The following DMXL2 variants were observed in gnomAD, a reference collection of about 807,000 sequenced individuals.
The protein encoded by DMXL2 is dmX-like protein 2.
DMXL2 carries 103 observed loss-of-function variants against 331.1 expected under a neutral mutation model. The observed-to-expected ratio is 0.31, with a 90% CI of 0.27 to 0.37. The LOEUF is 0.37. Ranked by LOEUF, DMXL2 falls within the 10% of genes least tolerant of loss-of-function variation. The pLI is 1.00. For missense variants in DMXL2, 3,171 were observed against 3,642.9 expected (o/e 0.87, Z 3.33); for synonymous variants, 1,281 against 1,252.1 (o/e 1.02, Z -0.49).
chr15:51,474,651 AC>A, intron 27 of DMXL2, 59 bp from the exon 28 acceptor site: 1 of 1,506,590 alleles, frequency 6.6e-7, no homozygotes, highest in Non-Finnish European at 8.9e-7. Context: ...GAAGGAAAAA[AC>A]ATCCAAATTT....
At chr15:51,530,587 T>TAAAAAAA (rs550510463) in intron 13 of DMXL2, among the ~76,000 whole-genome samples, 1 of 120,200 alleles carries the variant, frequency 8.3e-6, no homozygotes, top group African/African-American at 3.0e-5. Flanking sequence ...CCATCTCTAC[T>TAAAAAAA]AAAAAAAAAA....
rs1307975026 is a variant in DMXL2, at chr15:51,499,812, T to C, written c.3412A>G (p.Arg1138Gly). ...LVKVGSVLDSRVSVDSNLFVY... is the reference protein window; with the variant it reads ...LVKVGSVLDSGVSVDSNLFVY... Reference sequence around the variant, plus strand: ...AACAGATTACTGTCGACGCTGACCCTTGAATCAAGTACACTCCCAACCTTA... The same window carrying C: ...AACAGATTACTGTCGACGCTGACCCCTGAATCAAGTACACTCCCAACCTTA... Residue 1138 changes from arginine (R) to glycine (G), a missense_variant, in exon 18 of 44, where the codon AGG becomes GGG. Arg to Gly is a moderately radical substitution (Grantham distance 125, BLOSUM62 -2). Around this residue, in one of 7 missense-constraint regions of DMXL2, gnomAD observed 1,674 missense variants for 1,780.2 expected, o/e 0.94. Transcript: ENST00000560891. The C allele has an allele frequency of 5.0e-6, 8 of 1,614,172 alleles. No homozygotes were observed. The highest frequency in any genetic ancestry group is 1.1e-5 in the South Asian group (1 of 91,082).
At chr15:51,487,933 A>C in intron 22 of DMXL2, 21 bp downstream of exon 22, 1 of 1,573,644 alleles carries the variant, frequency 6.4e-7, no homozygotes, top group Non-Finnish European at 8.6e-7. Flanking sequence ...AGTATTATAT[A>C]GTGTGTTTTC....
At chr15:51,503,358 CATAT>C (rs1244513620) in intron 16 of DMXL2, among the ~76,000 whole-genome samples, 1 of 152,060 alleles carries the variant, frequency 6.6e-6, no homozygotes, top group African/African-American at 2.4e-5. Context: ...AAGAAAATGT[CATAT>C]ATATACACAA....
intron 42 of DMXL2, among the ~76,000 whole-genome samples, chr15:51,451,385 T>G (rs2039123386): frequency 6.6e-6 from 1 of 152,272 alleles, no homozygotes; most frequent in Non-Finnish European, 1.5e-5. Context: ...TTGTTAGTAG[T>G]ACCACTATCC....
intron 13 of DMXL2, among the ~76,000 whole-genome samples, chr15:51,528,914 TC>T (rs2047840220): frequency 6.6e-6 from 1 of 152,182 alleles, no homozygotes; most frequent in African/African-American, 2.4e-5. Flanking sequence ...AAGCATCTTC[TC>T]TGACCACATT....
At chr15:51,488,948 G>C (rs1013213528) in intron 20 of DMXL2, among the ~76,000 whole-genome samples, 11 of 152,094 alleles carry the variant, frequency 7.2e-5, no homozygotes, top group African/African-American at 2.7e-4. Context: ...CAAACCATGA[G>C]GCACTATCAT....
intron 1 of DMXL2, among the ~76,000 whole-genome samples, chr15:51,608,289 A>G (rs1340509105): frequency 2.0e-5 from 3 of 152,208 alleles, no homozygotes; most frequent in African/African-American, 7.2e-5. Flanking sequence ...TACCATGAAG[A>G]CGCATGCATG....
chr15:51,556,720 T>C (rs2049615578), intron 6 of DMXL2, among the ~76,000 whole-genome samples: 1 of 151,470 alleles, frequency 6.6e-6, no homozygotes, highest in African/African-American at 2.4e-5. Flanking sequence ...TGCAGTGAGC[T>C]GAGATTGTGC....
chr15:51,514,614 A>C (rs2046931160), intron 14 of DMXL2, 55 bp from the exon 15 acceptor site: 1 of 1,086,118 alleles, frequency 9.2e-7, no homozygotes, highest in Admixed American at 2.1e-5. Context: ...CCTGTCTCCC[A>C]TCTCCCATCT....
intron 1 of DMXL2, among the ~76,000 whole-genome samples, chr15:51,598,466 G>C (rs12908028): frequency 0.23 from 35,449 of 152,070 alleles, 4,654 homozygotes; most frequent in East Asian, 0.44. Context: ...TATCTATAGA[G>C]CTTAGATTTC....
At chr15:51,612,718 C>T (rs918829316) in intron 1 of DMXL2, among the ~76,000 whole-genome samples, 4 of 152,138 alleles carry the variant, frequency 2.6e-5, no homozygotes, top group Non-Finnish European at 4.4e-5. Flanking sequence ...AATGAAGTTT[C>T]GGGCATGCAT....
At chr15:51,536,099 C>T (rs2048270900) in intron 12 of DMXL2, 67 bp downstream of exon 12, 2 of 1,321,388 alleles carry the variant, frequency 1.5e-6, no homozygotes, top group Non-Finnish European at 2.0e-6. Context: ...AAATATAAAC[C>T]ATTTCGTATA....
intron 25 of DMXL2, among the ~76,000 whole-genome samples, 187 bp downstream of exon 25, chr15:51,479,761 A>G (rs1286819848): frequency 6.6e-6 from 1 of 152,244 alleles, no homozygotes; most frequent in Non-Finnish European, 1.5e-5. Flanking sequence ...AAGGAAGACA[A>G]TAACTTCTCC....
In DMXL2 at chr15:51,464,870, G is replaced by A; in HGVS notation, c.7613C>T (p.Pro2538Leu). ...PIAGLEFSEL[P>L]VTSPLGIAVI... Reference sequence around the variant, plus strand: ...AGCAATACCTAATGGTGATGTTACAGGCAGCTCTACAAGGTGACAGAATAT... The same window carrying A: ...AGCAATACCTAATGGTGATGTTACAAGCAGCTCTACAAGGTGACAGAATAT... The change falls in exon 32 of 44, where the codon CCT becomes CTT. Residue 2538 changes from proline (P) to leucine (L), a missense_variant. Physicochemically the swap from Pro to Leu is moderately conservative, Grantham distance 98. Transcript: ENST00000560891. The A allele has an allele frequency of 1.9e-6, 3 of 1,612,888 alleles. No individual in the cohort carries two copies. The highest frequency in any genetic ancestry group is 2.5e-6 in the Non-Finnish European group (3 of 1,179,262).
At chr15:51,460,130 A>G (rs1337463667) in intron 33 of DMXL2, 1 of 968,638 alleles carries the variant, frequency 1.0e-6, no homozygotes, top group African/African-American at 1.8e-5. Flanking sequence ...CTCTAAGTAA[A>G]TAAATGTTTA....
rs752180077 is a variant in DMXL2, at chr15:51,499,507, T to C, written c.3717A>G (p.Val1239=). Residue 1239 remains valine, a synonymous_variant, in exon 18 of 44, where the codon GTA becomes GTG. Coordinates refer to ENST00000560891, the MANE Select transcript of DMXL2 (RefSeq NM_001378457.1). ...GTGAAGGAGTACCATCAACAGAAGA[T>C]ACCAAGTCTATAGATCTAAGAAGAA... ...RWVLLRSIDL[V]SSVDGTPSLP... 8.1e-6 allele frequency: 13 copies of C among 1,614,030 alleles called. No homozygotes were observed. The highest frequency in any genetic ancestry group is 1.1e-5 in the Non-Finnish European group (13 of 1,180,022).
intron 10 of DMXL2, among the ~76,000 whole-genome samples, chr15:51,538,006 A>G (rs1262451942): frequency 6.6e-6 from 1 of 152,240 alleles, no homozygotes; most frequent in Non-Finnish European, 1.5e-5. Context: ...AGAAAAGGAT[A>G]TGGCTTCCAA....
At chr15:51,576,988 G>C (rs1052822662) in intron 1 of DMXL2, among the ~76,000 whole-genome samples, 1 of 152,070 alleles carries the variant, frequency 6.6e-6, no homozygotes, top group South Asian at 2.1e-4. Context: ...TCTTCCTATT[G>C]CAACACTTCT....
Sources: gnomAD v4.1 joint callset for allele counts (sites outside exome capture counted in the v4.1 genomes callset) on GRCh38, gnomAD v4.1.1 for gene constraint, gnomAD v4.1.1 regional missense constraint, MANE v1.5 for transcripts, NCBI Gene and HGNC (gene_info 2026-07-23, HGNC 2026-07-21) for gene names.